The following PGCKA1 variants were observed in gnomAD, a reference collection of about 807,000 sequenced individuals.
PGCKA1 encodes the protein PDCD10 and GCKIII kinases associated 1.
chr4:37,465,858 G>A, the PGCKA1 span, among the ~76,000 whole-genome samples: 1 of 152,194 alleles, frequency 6.6e-6, no homozygotes, highest in Non-Finnish European at 1.5e-5. Context: ...TTCTCCAACT[G>A]TATCTTCATG....
chr4:37,541,376 CCTT>C, the PGCKA1 span, among the ~76,000 whole-genome samples: 28 of 152,126 alleles, frequency 1.8e-4, no homozygotes, highest in Admixed American at 4.6e-4. Flanking sequence ...TGCCCTTTTC[CCTT>C]CTTCTCTTTC....
At chr4:37,534,119 C>T in the PGCKA1 span, among the ~76,000 whole-genome samples, 1 of 152,158 alleles carries the variant, frequency 6.6e-6, no homozygotes, top group South Asian at 2.1e-4. Flanking sequence ...GTAATCCATA[C>T]AGAAATAATC....
the PGCKA1 span, among the ~76,000 whole-genome samples, chr4:37,478,151 C>A: frequency 7.4e-5 from 9 of 121,996 alleles, no homozygotes; most frequent in Non-Finnish European, 1.2e-4. Flanking sequence ...CACCCCCCCC[C>A]ACCGCCACTT....
chr4:37,555,874 C>T, the PGCKA1 span, among the ~76,000 whole-genome samples: 1 of 152,212 alleles, frequency 6.6e-6, no homozygotes, highest in Admixed American at 6.5e-5. Flanking sequence ...CTTCACATCT[C>T]ACTCCCTAGG....
the PGCKA1 span, among the ~76,000 whole-genome samples, chr4:37,547,878 G>A: frequency 0.012 from 1,875 of 151,790 alleles, 32 homozygotes; most frequent in African/African-American, 0.043. Flanking sequence ...CAACAGAAGT[G>A]AAGTTTGCTA....
At chr4:37,565,743 T>C in the PGCKA1 span, among the ~76,000 whole-genome samples, 2 of 152,156 alleles carry the variant, frequency 1.3e-5, no homozygotes, top group South Asian at 4.2e-4. Context: ...ATGGTTAATA[T>C]TGAGTGTCAA....
At chr4:37,588,363 A>G in the PGCKA1 span, 4 of 156,388 alleles carry the variant, frequency 2.6e-5, no homozygotes, top group African/African-American at 9.6e-5. Flanking sequence ...ATGGGACACA[A>G]TGGATCCGCC....
the PGCKA1 span, among the ~76,000 whole-genome samples, chr4:37,569,354 C>G: frequency 7.6e-4 from 116 of 151,986 alleles, no homozygotes; most frequent in African/African-American, 2.7e-3. Flanking sequence ...CCTGCCACCA[C>G]GCCCAGCTAA....
At chr4:37,481,464 C>CAAAAAAAAAAAAAAAAAAAAAAA in the PGCKA1 span, among the ~76,000 whole-genome samples, 6 of 61,436 alleles carry the variant, frequency 9.8e-5, 2 homozygotes, top group Non-Finnish European at 1.5e-4. Flanking sequence ...GACCTGTCTC[C>CAAAAAAAAAAAAAAAAAAAAAAA]AAAAAAAAAA....
chr4:37,502,167 G>A, the PGCKA1 span, among the ~76,000 whole-genome samples: 3 of 152,176 alleles, frequency 2.0e-5, no homozygotes, highest in Non-Finnish European at 4.4e-5. Flanking sequence ...CCTTTCATAG[G>A]GTGATGGCAG....
the PGCKA1 span, among the ~76,000 whole-genome samples, chr4:37,538,457 CT>C: frequency 2.0e-5 from 3 of 152,200 alleles, no homozygotes; most frequent in Admixed American, 1.3e-4. Flanking sequence ...TCTTGGGCCC[CT>C]GATGCTAAAA....
the PGCKA1 span, among the ~76,000 whole-genome samples, chr4:37,475,966 ATAAT>A: frequency 3.3e-4 from 49 of 150,356 alleles, no homozygotes; most frequent in East Asian, 7.9e-3. Flanking sequence ...ATTATTTAAA[ATAAT>A]TATTTTATTT....
At chr4:37,582,662 G>A in the PGCKA1 span, among the ~76,000 whole-genome samples, 1 of 152,172 alleles carries the variant, frequency 6.6e-6, no homozygotes, top group Non-Finnish European at 1.5e-5. Context: ...CTTTTGTCAG[G>A]AAATCACAGA....
At chr4:37,488,847 A>T in the PGCKA1 span, among the ~76,000 whole-genome samples, 1 of 151,398 alleles carries the variant, frequency 6.6e-6, no homozygotes, top group African/African-American at 2.4e-5. Context: ...TCCAGTGTAA[A>T]CCTCCCTTAG....
the PGCKA1 span, among the ~76,000 whole-genome samples, chr4:37,505,497 A>G: frequency 6.6e-6 from 1 of 152,166 alleles, no homozygotes; most frequent in African/African-American, 2.4e-5. Context: ...GACATACCTG[A>G]GACTGGGCAA....
the PGCKA1 span, among the ~76,000 whole-genome samples, chr4:37,474,625 G>A: frequency 6.6e-6 from 1 of 152,164 alleles, no homozygotes; most frequent in Non-Finnish European, 1.5e-5. Flanking sequence ...AAAAGGGTAG[G>A]AATAGCTAAC....
chr4:37,475,753 G>A, the PGCKA1 span, among the ~76,000 whole-genome samples: 2 of 151,964 alleles, frequency 1.3e-5, no homozygotes, highest in Admixed American at 1.3e-4. Flanking sequence ...AGTATTACAG[G>A]ATAGATTTCT....
At chr4:37,492,778 T>C in the PGCKA1 span, among the ~76,000 whole-genome samples, 437 of 152,250 alleles carry the variant, frequency 2.9e-3, 13 homozygotes, top group East Asian at 0.073. The surrounding 1 kb of genome is among the most constrained non-coding windows in gnomAD (Gnocchi z 4.7). Context: ...AGACTAAGCA[T>C]GTCAGCTGCT....
At chr4:37,484,994 A>G in the PGCKA1 span, among the ~76,000 whole-genome samples, 1 of 152,236 alleles carries the variant, frequency 6.6e-6, no homozygotes, top group Non-Finnish European at 1.5e-5. Context: ...CAACTCATAA[A>G]TTCAATCTAA....
Sources: gnomAD v4.1 joint callset for allele counts (sites outside exome capture counted in the v4.1 genomes callset) on GRCh38, gnomAD v4.1.1 for gene constraint, Gnocchi (gnomAD v3.1) non-coding constraint, MANE v1.5 for transcripts, NCBI Gene and HGNC (gene_info 2026-07-23, HGNC 2026-07-21) for gene names.